PACSIN1: variants seen among roughly 807,000 people sequenced by gnomAD.
PACSIN1 encodes the protein protein kinase C and casein kinase substrate in neurons protein 1.
Under a neutral mutation model 59.5 loss-of-function variants are expected in PACSIN1, and 15 were observed. The ratio of observed to expected loss-of-function variants is 0.25; its 90% CI spans 0.17 to 0.39. PACSIN1 has a LOEUF of 0.39. PACSIN1 is among the 10% of genes least tolerant of loss of function. The probability of loss-of-function intolerance (pLI) is 1.00; values close to 1 mark genes in which losing one functional copy is unlikely to be tolerated. For missense variants in PACSIN1, 420 were observed against 580.2 expected (o/e 0.72, Z 2.84); for synonymous variants, 210 against 220.6 (o/e 0.95, Z 0.42).
chr6:34,489,410 G>T (rs1010715035), intron 1 of PACSIN1, among the ~76,000 whole-genome samples: 1 of 152,122 alleles, frequency 6.6e-6, no homozygotes, highest in Non-Finnish European at 1.5e-5. Context: ...AAAGGCTGTT[G>T]CATCACCCCA....
chr6:34,466,734 C>T lies in PACSIN1; in HGVS notation c.-64+464C>T, dbSNP rs73746642. ...TATGGTTAAAGGTATTTCCTTCTGT[C>T]CCCTACCCCTTCCCCCACAGCTGGG... On this transcript the variant is annotated intron_variant, in intron 1 of 9. Transcript: ENST00000244458. Among the ~76,000 whole-genome samples, 1,303 of 152,248 alleles carry T rather than the reference C, an allele frequency of 8.6e-3. 27 individuals carry two copies. The highest frequency in any genetic ancestry group is 0.03 in the African/African-American group (1,242 of 41,536).
chr6:34,503,457 G>A (rs535378509), intron 1 of PACSIN1, among the ~76,000 whole-genome samples: 1 of 152,206 alleles, frequency 6.6e-6, no homozygotes, highest in African/African-American at 2.4e-5. Flanking sequence ...GTCAGAGTGA[G>A]TATCGTCAGC....
chr6:34,478,960 G>A (rs1229095968), intron 1 of PACSIN1, among the ~76,000 whole-genome samples: 9 of 152,050 alleles, frequency 5.9e-5, no homozygotes, highest in Non-Finnish European at 1.3e-4. Context: ...AAGAGGAGGT[G>A]CCAGAGCAAC....
intron 1 of PACSIN1, among the ~76,000 whole-genome samples, chr6:34,466,787 A>G (rs1323519713): frequency 1.3e-5 from 2 of 152,056 alleles, no homozygotes; most frequent in African/African-American, 4.8e-5. Flanking sequence ...GGAGGAGGCA[A>G]GAAGGAGGCG....
intron 1 of PACSIN1, among the ~76,000 whole-genome samples, chr6:34,467,957 T>C (rs1766521067): frequency 6.6e-6 from 1 of 152,116 alleles, no homozygotes; most frequent in Non-Finnish European, 1.5e-5. Flanking sequence ...CTGGTTTGAG[T>C]GTCCAGGCCT....
At chr6:34,469,480 G>A (rs921520678) in intron 1 of PACSIN1, among the ~76,000 whole-genome samples, 1 of 152,168 alleles carries the variant, frequency 6.6e-6, no homozygotes, top group African/African-American at 2.4e-5. Flanking sequence ...TAGAGGAGGG[G>A]TCCCGGAGCT....
intron 1 of PACSIN1, among the ~76,000 whole-genome samples, chr6:34,477,866 A>G (rs1221794817): frequency 6.7e-6 from 1 of 150,330 alleles, no homozygotes; most frequent in Non-Finnish European, 1.5e-5. Context: ...CTCACAACTC[A>G]GCCTCCCCAG....
At chr6:34,480,996 T>G (rs187928300) in intron 1 of PACSIN1, among the ~76,000 whole-genome samples, 2 of 152,144 alleles carry the variant, frequency 1.3e-5, no homozygotes, top group African/African-American at 4.8e-5. Context: ...CAGTCATTAT[T>G]CTCAGTAATG....
intron 1 of PACSIN1, among the ~76,000 whole-genome samples, chr6:34,493,910 A>G (rs1766912255): frequency 6.6e-6 from 1 of 152,242 alleles, no homozygotes; most frequent in Admixed American, 6.5e-5. Flanking sequence ...ACTAGGAAGC[A>G]GCTGCTTTGA....
chr6:34,490,941 T>G (rs1021601184), intron 1 of PACSIN1, among the ~76,000 whole-genome samples: 2 of 152,190 alleles, frequency 1.3e-5, no homozygotes, highest in African/African-American at 4.8e-5. Flanking sequence ...TTATCCCACT[T>G]GATGTCCCAC....
rs61324041 is a variant in PACSIN1, at chr6:34,467,553, C to CTTTT, written c.-64+1302_-64+1305dup. Among the ~76,000 whole-genome samples, 595 of 90,700 alleles carry CTTTT rather than the reference C, an allele frequency of 6.6e-3. 10 individuals carry two copies. The highest frequency in any genetic ancestry group is 0.012 in the South Asian group (24 of 2,066). 59.5% of individuals were successfully genotyped at this position (90,700 alleles called of 152,430 possible). ...GGTGGTTCTCTTTAGTAGGCCCTTC[C>CTTTT]TTTTTTTTTTTTTTTTTTTTTTGAG... On this transcript the variant is annotated intron_variant, in intron 1 of 9. Transcript: ENST00000244458.
In PACSIN1 at chr6:34,516,787, T is replaced by G. The variant is rs897835125; in HGVS notation, c.-63-9456T>G. Among the ~76,000 whole-genome samples the G allele has an allele frequency of 6.6e-6, 1 of 152,212 alleles. No homozygotes were observed. Among genetic ancestry groups the G allele is most frequent in the Non-Finnish European group, 1.5e-5 (1 of 68,024 alleles). Reference sequence around the variant, plus strand: ...GACACATTTCCCTGGCCCAATTCATTGCACACAACGTGCCCACAGCCCAGG... The same window carrying G: ...GACACATTTCCCTGGCCCAATTCATGGCACACAACGTGCCCACAGCCCAGG... On this transcript the variant is annotated intron_variant, in intron 1 of 9. Transcript: ENST00000244458. This position sits in a 1 kb window ranked among gnomAD's most constrained non-coding sequence, Gnocchi z 5.4.
At chr6:34,486,017 T>C (rs1215753119) in intron 1 of PACSIN1, among the ~76,000 whole-genome samples, 1 of 152,154 alleles carries the variant, frequency 6.6e-6, no homozygotes. Flanking sequence ...GGGGGCCCTT[T>C]TGACTTTCTC....
At position 34,529,722 on chromosome 6, in the gene PACSIN1, C is replaced by T; in HGVS notation, c.669C>T (p.Tyr223=). Residue 223 remains tyrosine, a synonymous_variant, in exon 6 of 10, where the codon TAC becomes TAT. Coordinates refer to ENST00000244458, the MANE Select transcript of PACSIN1 (RefSeq NM_020804.5). This position sits in a 1 kb window ranked among gnomAD's most constrained non-coding sequence, Gnocchi z 6.3. ...LEDVGKTTPQ[Y]MENMEQVFEQ... ...ATGTGGGCAAGACCACACCCCAGTA[C>T]ATGGAGAACATGGAGCAGGTGTTTG... 2 of 1,614,140 alleles carry T rather than the reference C, an allele frequency of 1.2e-6. No homozygotes were observed. Among genetic ancestry groups the T allele is most frequent in the Non-Finnish European group, 1.7e-6 (2 of 1,180,032 alleles).
intron 1 of PACSIN1, among the ~76,000 whole-genome samples, chr6:34,475,709 T>C (rs1766629820): frequency 6.6e-6 from 1 of 152,220 alleles, no homozygotes; most frequent in Non-Finnish European, 1.5e-5. Context: ...CACCCACAGC[T>C]GCTGAGAGAT....
At position 34,518,628 on chromosome 6, in the gene PACSIN1, C is replaced by T. The variant is rs1013176449; in HGVS notation, c.-63-7615C>T. ...AGTTACCACTGCGGGCAATTCAGCT[C>T]ACTCCCGCTGGAGAGCTCTGGGAGG... On this transcript the variant is annotated intron_variant, in intron 1 of 9. Transcript: ENST00000244458. This position sits in a 1 kb window ranked among gnomAD's most constrained non-coding sequence, Gnocchi z 4.4. 7.2e-5 allele frequency among the ~76,000 whole-genome samples: 11 copies of T among 152,340 alleles called. No individual in the cohort carries two copies. The highest frequency in any genetic ancestry group is 2.6e-4 in the African/African-American group (11 of 41,586).
At chr6:34,497,417 G>A (rs938794471) in intron 1 of PACSIN1, among the ~76,000 whole-genome samples, 1 of 152,128 alleles carries the variant, frequency 6.6e-6, no homozygotes, top group Non-Finnish European at 1.5e-5. Context: ...TATCATCCGC[G>A]GTTAAAGATG....
chr6:34,521,181 G>A lies in PACSIN1; in HGVS notation c.-63-5062G>A, dbSNP rs1191310817. 3.9e-5 allele frequency among the ~76,000 whole-genome samples: 6 copies of A among 152,182 alleles called. No homozygotes were observed. Among genetic ancestry groups the A allele is most frequent in the South Asian group, 2.1e-4 (1 of 4,820 alleles). Reference sequence around the variant, plus strand: ...GAGGACACGCAACGTGATGAATGCCGTGCTGTGGATGCCGTGTCCGGTGGT... The same window carrying A: ...GAGGACACGCAACGTGATGAATGCCATGCTGTGGATGCCGTGTCCGGTGGT... On this transcript the variant is annotated intron_variant, in intron 1 of 9. Transcript: ENST00000244458. This position sits in a 1 kb window ranked among gnomAD's most constrained non-coding sequence, Gnocchi z 4.3.
At chr6:34,502,619 T>C (rs73405697) in intron 1 of PACSIN1, among the ~76,000 whole-genome samples, 17,867 of 151,180 alleles carry the variant, frequency 0.12, 1,230 homozygotes, top group African/African-American at 0.19. Flanking sequence ...GCGCCCACCA[T>C]GACACCCCGC....
Sources: gnomAD v4.1 joint callset for allele counts (sites outside exome capture counted in the v4.1 genomes callset) on GRCh38, gnomAD v4.1.1 for gene constraint, Gnocchi (gnomAD v3.1) non-coding constraint, MANE v1.5 for transcripts, NCBI Gene and HGNC (gene_info 2026-07-23, HGNC 2026-07-21) for gene names.